Variants in UGDH observed in about 807,000 individuals in gnomAD.
UGDH encodes UDP-glucose 6-dehydrogenase, also known as UDP-Glc dehydrogenase.
UGDH carries 38 observed loss-of-function variants against 50.6 expected under a neutral mutation model. The ratio of observed to expected loss-of-function variants is 0.75; its 90% CI spans 0.58 to 0.98. The LOEUF (loss-of-function observed/expected upper bound fraction) is 0.98, where lower values mean the gene tolerates loss of function less well. Among genes scored for constraint, UGDH ranks in the 50% least tolerant of loss-of-function variants. The pLI, the probability that UGDH is intolerant of heterozygous loss-of-function variation, is 0.00. For synonymous variants in UGDH, 168 were observed against 199.9 expected, an observed-to-expected ratio of 0.84 and a Z score of 1.35; for missense variants, 465 against 606.2, an observed-to-expected ratio of 0.77 and a Z score of 2.45.
At position 39,505,680 on chromosome 4, in the gene UGDH, T is replaced by C. The variant is rs779472040; in HGVS notation, c.975A>G (p.Thr325=). ...ASRIIDSLFN[T]VTDKKIAILG... is the part of the protein sequence containing the mutation. ...AAATAGCTATCTTCTTATCAGTTAC[T>C]GTATTAAACAGACTATCTATGATCC... The change falls in exon 8 of 12, where the codon ACA becomes ACG. Residue 325 remains threonine, a synonymous_variant. Coordinates refer to ENST00000316423, the MANE Select transcript of UGDH (RefSeq NM_003359.4). 2 of 1,608,486 alleles carry C rather than the reference T, an allele frequency of 1.2e-6. No homozygotes were observed. Among genetic ancestry groups the C allele is most frequent in the East Asian group, 2.2e-5 (1 of 44,760 alleles).
intron 6 of UGDH, among the ~76,000 whole-genome samples, chr4:39,509,538 T>C (rs914089246): frequency 3.3e-5 from 5 of 152,252 alleles, no homozygotes; most frequent in Non-Finnish European, 5.9e-5. Context: ...TAAGGAATAA[T>C]ATGGCTTTGG....
At chr4:39,517,561 AAC>A (rs1237190431) in intron 2 of UGDH, among the ~76,000 whole-genome samples, 2 of 152,196 alleles carry the variant, frequency 1.3e-5, no homozygotes, top group Non-Finnish European at 2.9e-5. Context: ...CTATTCAATA[AAC>A]ACGACAACAC....
chr4:39,508,580 G>A lies in UGDH; in HGVS notation c.892C>T (p.Arg298Cys), dbSNP rs199986130. 92 of 1,610,194 alleles carry A rather than the reference G, an allele frequency of 5.7e-5. No homozygotes were observed. Among genetic ancestry groups the A allele is most frequent in the Non-Finnish European group, 2.4e-5 (28 of 1,178,814 alleles). The change falls in exon 7 of 12, where the codon CGT becomes TGT. Residue 298 changes from arginine to cysteine, a missense_variant. By Grantham distance (180) the Arg-to-Cys change is radical (BLOSUM62 -3). Transcript: ENST00000316423. Reference sequence around the variant, plus strand: ...GAGATTAATACCTGCTGCCAATAACGAGCTACTTCTGGCAAATTCAGAGCC... The same window carrying A: ...GAGATTAATACCTGCTGCCAATAACAAGCTACTTCTGGCAAATTCAGAGCC... The part of the protein sequence containing the change: ...CEALNLPEVA[R>C]YWQQVIDMND...
At chr4:39,509,959 T>C (rs756527486) in intron 5 of UGDH, 52 bp from the exon 6 acceptor site, 7 of 1,540,392 alleles carry the variant, frequency 4.5e-6, no homozygotes, top group Admixed American at 2.2e-5. Context: ...ACAGCAATTT[T>C]ATACATCTAG....
At chr4:39,520,844 C>T (rs1233612492) in intron 2 of UGDH, among the ~76,000 whole-genome samples, 5 of 151,726 alleles carry the variant, frequency 3.3e-5, no homozygotes, top group South Asian at 2.1e-4. Context: ...GAGGCCGGGG[C>T]GGGCAGATCA....
chr4:39,507,844 GTT>G (rs1462450950), intron 7 of UGDH, among the ~76,000 whole-genome samples: 1 of 151,326 alleles, frequency 6.6e-6, no homozygotes, highest in Non-Finnish European at 1.5e-5. Context: ...TGAAGTTGAG[GTT>G]GAAGTGGGAG....
At chr4:39,507,760 C>T (rs1475816419) in intron 7 of UGDH, among the ~76,000 whole-genome samples, 1 of 151,878 alleles carries the variant, frequency 6.6e-6, no homozygotes, top group African/African-American at 2.4e-5. Context: ...CCAGCCTGGG[C>T]AATATAGTGA....
At chr4:39,514,821 T>C (rs1341381802) in intron 2 of UGDH, among the ~76,000 whole-genome samples, 2 of 151,942 alleles carry the variant, frequency 1.3e-5, no homozygotes, top group African/African-American at 4.8e-5. Flanking sequence ...TAGCTGGGAT[T>C]ACAGGCATGC....
intron 7 of UGDH, among the ~76,000 whole-genome samples, chr4:39,507,306 G>T (rs948448581): frequency 1.3e-5 from 2 of 152,178 alleles, no homozygotes; most frequent in Non-Finnish European, 2.9e-5. Context: ...ATTTGGAAGG[G>T]GTTTCTAATT....
chr4:39,514,128 G>C lies in UGDH; in HGVS notation c.219C>G (p.Thr73=), dbSNP rs537223303. ...CTTCTTTGATGGCATCATCAATATTGGTAGAAAAAAAAAGATTTTTTCCTC... is the reference window on the plus strand; with the variant it reads ...CTTCTTTGATGGCATCATCAATATTCGTAGAAAAAAAAAGATTTTTTCCTC... ...SCRGKNLFFS[T]NIDDAIKEAD... Residue 73 remains threonine, a synonymous_variant, in exon 3 of 12, where the codon ACC becomes ACG. Coordinates refer to ENST00000316423, the MANE Select transcript of UGDH (RefSeq NM_003359.4). 6.3e-7 allele frequency: 1 copy of C among 1,583,166 alleles called. No individual in the cohort carries two copies. Among genetic ancestry groups the C allele is most frequent in the African/African-American group, 1.4e-5 (1 of 72,354 alleles).
At chr4:39,522,701 T>A in intron 1 of UGDH, among the ~76,000 whole-genome samples, 1 of 151,990 alleles carries the variant, frequency 6.6e-6, no homozygotes, top group East Asian at 1.9e-4. Context: ...AAACTACCAA[T>A]CTGGCTTATG....
intron 2 of UGDH, among the ~76,000 whole-genome samples, chr4:39,516,813 T>C (rs1434828502): frequency 6.6e-6 from 1 of 152,220 alleles, no homozygotes; most frequent in African/African-American, 2.4e-5. Context: ...TTATTTTGGC[T>C]AGATTCTAGA....
chr4:39,511,051 G>A (rs1746226615), intron 3 of UGDH, among the ~76,000 whole-genome samples, 190 bp from the exon 4 acceptor site: 1 of 152,022 alleles, frequency 6.6e-6, no homozygotes, highest in African/African-American at 2.4e-5. Context: ...AGCATCTAGA[G>A]AACTCATTCA....
At chr4:39,518,685 C>G (rs1198044907) in intron 2 of UGDH, among the ~76,000 whole-genome samples, 7 of 151,724 alleles carry the variant, frequency 4.6e-5, no homozygotes, top group Non-Finnish European at 7.4e-5. Context: ...GGCTTGAACT[C>G]CTGGGCTCAA....
At position 39,499,496 on chromosome 4, in the gene UGDH, GA is replaced by G. The variant is rs1315009803; in HGVS notation, c.*646del. ...AAGACTGTCCTTCCCTTTATAATGT[GA>G]TATTAAAGTGTGGCCTATGGACAAT... is the stretch of plus-strand genomic sequence containing the variant. On this transcript the variant is annotated 3_prime_UTR_variant, in exon 12 of 12. Coordinates refer to ENST00000316423, the MANE Select transcript of UGDH (RefSeq NM_003359.4). 1 of 152,112 alleles carries G rather than the reference GA, an allele frequency of 6.6e-6. No individual in the cohort carries two copies. Among genetic ancestry groups the G allele is most frequent in the East Asian group, 1.9e-4 (1 of 5,200 alleles). The allele number at this position is 152,112 out of a possible 1,614,324, so 9.4% of individuals were successfully genotyped here.
intron 2 of UGDH, among the ~76,000 whole-genome samples, chr4:39,516,098 T>C (rs900857587): frequency 3.9e-5 from 6 of 152,086 alleles, no homozygotes; most frequent in Admixed American, 3.9e-4. Context: ...CTGGGCAACA[T>C]GGCGAAACCC....
At position 39,513,107 on chromosome 4, in the gene UGDH, T is replaced by C. The variant is rs977674089; in HGVS notation, c.264+976A>G. Among the ~76,000 whole-genome samples, 9 of 152,090 alleles carry C rather than the reference T, an allele frequency of 5.9e-5. 1 individual carries two copies. Among genetic ancestry groups the C allele is most frequent in the African/African-American group, 1.7e-4 (7 of 41,420 alleles). ...ACAAGCATGAGCCATCATGCCCAGC[T>C]CGTAAAGATCTTAAGTCATATAACA... On this transcript the variant is annotated intron_variant, in intron 3 of 11. Coordinates refer to ENST00000316423, the MANE Select transcript of UGDH (RefSeq NM_003359.4).
At position 39,520,646 on chromosome 4, in the gene UGDH, TG is replaced by T. The variant is rs1435260687; in HGVS notation, c.162+704del. On this transcript the variant is annotated intron_variant, in intron 2 of 11. Transcript: ENST00000316423. ...ATTTGTCCATCTAATGTTTATGTGA[TG>T]TTAGTAAAATAATCCAAAAATATAT... Among the ~76,000 whole-genome samples the T allele has an allele frequency of 3.3e-5, 5 of 151,918 alleles. No individual in the cohort carries two copies. The East Asian group carries it at 7.7e-4, about 23-fold the overall frequency.
intron 10 of UGDH, 102 bp from the exon 11 acceptor site, chr4:39,504,087 T>C: frequency 1.1e-6 from 1 of 907,276 alleles, no homozygotes; most frequent in Non-Finnish European, 1.7e-6. Context: ...GATGGGTGGA[T>C]CACGAGGTCA....
Sources: gnomAD v4.1 joint callset for allele counts (sites outside exome capture counted in the v4.1 genomes callset) on GRCh38, gnomAD v4.1.1 for gene constraint, MANE v1.5 for transcripts, NCBI Gene and HGNC (gene_info 2026-07-23, HGNC 2026-07-21) for gene names.